PDE9A: variants seen among roughly 807,000 people sequenced by gnomAD.
The protein encoded by PDE9A is high affinity cGMP-specific 3',5'-cyclic phosphodiesterase 9A.
Under a neutral mutation model 87.4 loss-of-function variants are expected in PDE9A, and 60 were observed. The ratio of observed to expected loss-of-function variants is 0.69; its 90% CI spans 0.56 to 0.85. The LOEUF (loss-of-function observed/expected upper bound fraction) is 0.85, where lower values mean the gene tolerates loss of function less well. Among genes scored for constraint, PDE9A ranks in the 40% least tolerant of loss-of-function variants. PDE9A has a pLI of 0.00. For missense variants in PDE9A, 665 were observed against 779.0 expected (o/e 0.85, Z 1.74); for synonymous variants, 272 against 279.4 (o/e 0.97, Z 0.27).
In PDE9A at chr21:42,775,376, C is replaced by A; in HGVS notation, c.*83C>A. On this transcript the variant is annotated 3_prime_UTR_variant, in exon 20 of 20. Transcript: ENST00000291539. The stretch of plus-strand genomic sequence containing the variant: ...TTGTGCAGGGAAGAGCTGCCCTGGG[C>A]ACCTGGCACCACAAGACCATGTTTT... 1.7e-6 allele frequency: 2 copies of A among 1,148,724 alleles called. No homozygotes were observed. Among genetic ancestry groups the A allele is most frequent in the Non-Finnish European group, 2.5e-6 (2 of 802,416 alleles). 71.2% of individuals were successfully genotyped at this position (1,148,724 alleles called of 1,614,324 possible).
chr21:42,769,622 A>G (rs1030185984), intron 17 of PDE9A, among the ~76,000 whole-genome samples: 6 of 142,306 alleles, frequency 4.2e-5, no homozygotes, highest in African/African-American at 1.4e-4. Context: ...GCAGGTACAC[A>G]TGCACACACA....
At chr21:42,735,174 T>A (rs547500415) in intron 7 of PDE9A, among the ~76,000 whole-genome samples, 2 of 152,344 alleles carry the variant, frequency 1.3e-5, no homozygotes, top group South Asian at 4.1e-4. Context: ...GCTGTGCGGA[T>A]GCCTGTGCTG....
chr21:42,714,800 C>A (rs113937512), intron 4 of PDE9A, among the ~76,000 whole-genome samples: 96 of 77,270 alleles, frequency 1.2e-3, no homozygotes, highest in Admixed American at 2.2e-3. Context: ...GGTTAGCTCT[C>A]CCAGTCTTTG....
chr21:42,741,813 T>TA (rs1481197453), intron 7 of PDE9A: 2 of 152,208 alleles, frequency 1.3e-5, no homozygotes, highest in Non-Finnish European at 2.9e-5. Context: ...AAGGAGTTGT[T>TA]ACAAACTAGC....
chr21:42,763,060 A>G (rs184731341), intron 14 of PDE9A, among the ~76,000 whole-genome samples: 68 of 152,266 alleles, frequency 4.5e-4, no homozygotes, highest in African/African-American at 1.6e-3. Context: ...GTGAGAGGAT[A>G]TCTGCGTGAG....
rs146068245 is a variant in PDE9A, at chr21:42,740,644, T to A, written c.569-3132T>A. Among the ~76,000 whole-genome samples the A allele has an allele frequency of 6.4e-3, 852 of 133,948 alleles. 15 individuals carry two copies. The highest frequency in any genetic ancestry group is 3.4e-3 in the Non-Finnish European group (209 of 60,766). 87.9% of individuals were successfully genotyped at this position (133,948 alleles called of 152,430 possible). ...ATGGATGAATGGATACATAGATGAA[T>A]GGATGGATAGATAGTATATAAATGG... is the stretch of plus-strand genomic sequence containing the variant. On this transcript the variant is annotated intron_variant, in intron 7 of 19. Transcript: ENST00000291539.
chr21:42,707,641 C>T (rs1389893013), intron 4 of PDE9A, among the ~76,000 whole-genome samples: 1 of 152,168 alleles, frequency 6.6e-6, no homozygotes, highest in East Asian at 1.9e-4. Flanking sequence ...CTCCTTGTCT[C>T]CGGTGGGCTT....
intron 8 of PDE9A, among the ~76,000 whole-genome samples, chr21:42,747,725 G>A (rs906099097): frequency 6.6e-6 from 1 of 151,886 alleles, no homozygotes; most frequent in Non-Finnish European, 1.5e-5. Context: ...CCCCAGCACT[G>A]TGCCAGGCAG....
intron 1 of PDE9A, among the ~76,000 whole-genome samples, chr21:42,664,318 C>T (rs1342995043): frequency 6.6e-6 from 1 of 152,244 alleles, no homozygotes; most frequent in African/African-American, 2.4e-5. Flanking sequence ...CAGTCTCAGC[C>T]TGGCACAGGG....
intron 8 of PDE9A, among the ~76,000 whole-genome samples, chr21:42,744,912 C>A (rs1236648576): frequency 6.6e-6 from 1 of 152,230 alleles, no homozygotes; most frequent in African/African-American, 2.4e-5. Context: ...GCTCACACCT[C>A]CGGGCTTTGC....
intron 15 of PDE9A, among the ~76,000 whole-genome samples, chr21:42,767,801 G>A (rs951017550): frequency 1.3e-5 from 2 of 152,216 alleles, no homozygotes; most frequent in African/African-American, 4.8e-5. Flanking sequence ...TCCTGGGCCT[G>A]CCCTATCTCC....
chr21:42,758,074 G>A (rs2055269640), intron 10 of PDE9A: 1 of 152,344 alleles, frequency 6.6e-6, no homozygotes, highest in Non-Finnish European at 1.5e-5. Context: ...GGTGGGCCCT[G>A]GGTGGAGGAC....
intron 4 of PDE9A, among the ~76,000 whole-genome samples, chr21:42,709,230 C>CT (rs1382817576): frequency 6.6e-6 from 1 of 152,132 alleles, no homozygotes; most frequent in African/African-American, 2.4e-5. Flanking sequence ...CATGTTCTCA[C>CT]TTATAAGTGG....
chr21:42,731,906 A>G lies in PDE9A; in HGVS notation c.399A>G (p.Arg133=), dbSNP rs1467367591. 2.5e-6 allele frequency: 4 copies of G among 1,614,040 alleles called. No homozygotes were observed. The Admixed American group carries it at 6.7e-5, about 27-fold the overall frequency. The part of the protein sequence containing the change: ...FESGQVEPRP[R]EPQGCYQEGQ... ...GTGGACAGGTAGAGCCCAGGCCCAGAGAGCCCCAGGGCTGCTACCAGGAAG... is the reference window on the plus strand; with the variant it reads ...GTGGACAGGTAGAGCCCAGGCCCAGGGAGCCCCAGGGCTGCTACCAGGAAG... Residue 133 remains arginine, a synonymous_variant, in exon 5 of 20, where the codon AGA becomes AGG. Coordinates refer to ENST00000291539, the MANE Select transcript of PDE9A (RefSeq NM_002606.3).
chr21:42,696,390 T>C lies in PDE9A; in HGVS notation c.219-2578T>C, dbSNP rs1243486768. Among the ~76,000 whole-genome samples the C allele has an allele frequency of 6.6e-6, 1 of 152,110 alleles. No homozygotes were observed. Among genetic ancestry groups the C allele is most frequent in the Non-Finnish European group, 1.5e-5 (1 of 68,010 alleles). On this transcript the variant is annotated intron_variant, in intron 3 of 19. Coordinates refer to ENST00000291539, the MANE Select transcript of PDE9A (RefSeq NM_002606.3). The surrounding 1 kb of genome is among the most constrained non-coding windows in gnomAD (Gnocchi z 5.1). ...CCCCCCACCTCCAGCATTAATTTTC[T>C]AGGGACAAGGGGCAGGGGAAGGAGG...
intron 7 of PDE9A, among the ~76,000 whole-genome samples, chr21:42,738,217 G>A (rs1168257714): frequency 6.6e-6 from 1 of 152,178 alleles, no homozygotes; most frequent in Admixed American, 6.5e-5. Flanking sequence ...TGACCGGCTG[G>A]GGCAAAGTTT....
In PDE9A at chr21:42,695,596, C is replaced by T. The variant is rs893470348; in HGVS notation, c.219-3372C>T. Among the ~76,000 whole-genome samples the T allele has an allele frequency of 1.8e-4, 27 of 152,240 alleles. No individual in the cohort carries two copies. The highest frequency in any genetic ancestry group is 6.5e-5 in the Admixed American group (1 of 15,278). On this transcript the variant is annotated intron_variant, in intron 3 of 19. Transcript: ENST00000291539. The surrounding 1 kb of genome is among the most constrained non-coding windows in gnomAD (Gnocchi z 4.3). ...GACTCTCCACCGGCTGAGCTCTGTG[C>T]ATGCAGGGCCAGTATTCTCGGCCAT...
At chr21:42,743,662 G>C in intron 7 of PDE9A, 114 bp from the exon 8 acceptor site, 1 of 686,054 alleles carries the variant, frequency 1.5e-6, no homozygotes, top group Middle Eastern at 3.0e-4. Context: ...GGGGACCTCT[G>C]CACTGAGGTA....
chr21:42,666,789 C>G (rs930056523), intron 1 of PDE9A, among the ~76,000 whole-genome samples: 2 of 152,180 alleles, frequency 1.3e-5, no homozygotes, highest in Non-Finnish European at 2.9e-5. Flanking sequence ...TGAATTTTGA[C>G]GGGACACAGT....
Sources: gnomAD v4.1 joint callset for allele counts (sites outside exome capture counted in the v4.1 genomes callset) on GRCh38, gnomAD v4.1.1 for gene constraint, Gnocchi (gnomAD v3.1) non-coding constraint, MANE v1.5 for transcripts, NCBI Gene and HGNC (gene_info 2026-07-23, HGNC 2026-07-21) for gene names.